The following ANK2 variants were observed in gnomAD, a reference collection of about 807,000 sequenced individuals.
The protein encoded by ANK2 is ankyrin-2.
Under a neutral mutation model 360.5 loss-of-function variants are expected in ANK2, and 83 were observed. That is an observed-to-expected ratio of 0.23 (90% CI 0.19 to 0.28). ANK2 has a LOEUF of 0.28. Ranked by LOEUF, ANK2 falls within the 10% of genes least tolerant of loss-of-function variation. The pLI is 1.00. For synonymous variants in ANK2, 1,740 were observed against 1,759.5 expected (o/e 0.99, Z 0.28); for missense variants, 4,201 against 4,795.7 (o/e 0.88, Z 3.66).
At chr4:112,716,659 G>A in the ANK2 span, among the ~76,000 whole-genome samples, 1 of 152,082 alleles carries the variant, frequency 6.6e-6, no homozygotes, top group Non-Finnish European at 1.5e-5. Flanking sequence ...TTGAACTCCT[G>A]GGCTCAAGTG....
At chr4:112,852,360 A>T (rs1165965674) in intron 1 of ANK2, among the ~76,000 whole-genome samples, 1 of 152,184 alleles carries the variant, frequency 6.6e-6, no homozygotes, top group African/African-American at 2.4e-5. Flanking sequence ...ATTGTACTTA[A>T]AAGTCAGTAT....
intron 1 of ANK2, among the ~76,000 whole-genome samples, chr4:113,136,275 T>C (rs2096404048): frequency 6.6e-6 from 1 of 152,118 alleles, no homozygotes; most frequent in African/African-American, 2.4e-5. Flanking sequence ...CCTAATCTTG[T>C]TGGCCAGGCA....
rs2154053294 is a variant in ANK2, at chr4:113,365,120, A to T, written c.10970A>T (p.Gln3657Leu). The T allele has an allele frequency of 6.2e-7, 1 of 1,614,026 alleles. No individual in the cohort carries two copies. The highest frequency in any genetic ancestry group is 8.5e-7 in the Non-Finnish European group (1 of 1,179,954). ...HLMETNTEPL[Q>L]ERISHSYAEI... ...ATGGAGACCAACACAGAACCTCTCCAGGAGCGCATCAGTCATAGTTATGCA... is the reference window on the plus strand; with the variant it reads ...ATGGAGACCAACACAGAACCTCTCCTGGAGCGCATCAGTCATAGTTATGCA... The change falls in exon 41 of 46, where the codon CAG (glutamine) becomes CTG (leucine). Residue 3657 changes from glutamine (Q) to leucine (L), a missense_variant. Physicochemically the swap from Gln to Leu is moderately radical, Grantham distance 113. This residue lies in a region of ANK2 where 2,642 missense variants were observed against 2,714.5 expected (regional missense o/e 0.97). Coordinates refer to ENST00000357077, the MANE Select transcript of ANK2 (RefSeq NM_001148.6).
intron 1 of ANK2, among the ~76,000 whole-genome samples, chr4:113,120,400 A>AAATGGTT (rs2095271547): frequency 6.6e-6 from 1 of 152,230 alleles, no homozygotes; most frequent in East Asian, 1.9e-4. Context: ...TGCCAACAAA[A>AAATGGTT]AATGGTTAAG....
chr4:113,328,281 A>T (rs2153905062), intron 26 of ANK2, among the ~76,000 whole-genome samples: 1 of 152,294 alleles, frequency 6.6e-6, no homozygotes, highest in Admixed American at 6.5e-5. Flanking sequence ...CAAAGGAAAT[A>T]TTAATCTTAA....
upstream of ANK2, among the ~76,000 whole-genome samples, chr4:112,815,899 G>A (rs900322038): frequency 6.6e-6 from 1 of 152,168 alleles, no homozygotes; most frequent in Non-Finnish European, 1.5e-5. Context: ...GTTCATTTGT[G>A]TACTTTATAA....
At chr4:113,191,478 T>C (rs2098662998) in intron 2 of ANK2, among the ~76,000 whole-genome samples, 1 of 152,232 alleles carries the variant, frequency 6.6e-6, no homozygotes, top group South Asian at 2.1e-4. Context: ...TAGGTTTTAT[T>C]GTAATTCAAA....
At chr4:113,242,014 C>T (rs901607042) in intron 8 of ANK2, 97 bp from the exon 9 acceptor site, 12 of 933,086 alleles carry the variant, frequency 1.3e-5, no homozygotes, top group South Asian at 2.7e-5. Flanking sequence ...CAAATTACCA[C>T]GTAGGTCACA....
intron 23 of ANK2, among the ~76,000 whole-genome samples, chr4:113,306,015 A>T (rs1261428821): frequency 2.0e-5 from 3 of 152,228 alleles, no homozygotes; most frequent in Non-Finnish European, 2.9e-5. Flanking sequence ...CTGTATACAC[A>T]TTAAAGTAAT....
chr4:113,238,065 A>T (rs2099397534), intron 7 of ANK2, among the ~76,000 whole-genome samples: 1 of 151,682 alleles, frequency 6.6e-6, no homozygotes, highest in South Asian at 2.1e-4. Flanking sequence ...CTTTTTCTTT[A>T]CCACATTTAT....
At chr4:112,813,838 A>T (rs143838021), upstream of ANK2, among the ~76,000 whole-genome samples, 148 of 152,274 alleles carry the variant, frequency 9.7e-4, no homozygotes, top group African/African-American at 3.2e-3. Flanking sequence ...ACCCAGCCAG[A>T]TTTCCCTTAA....
chr4:113,219,854 A>G (rs1354826736), intron 4 of ANK2, among the ~76,000 whole-genome samples: 3 of 152,198 alleles, frequency 2.0e-5, no homozygotes, highest in Non-Finnish European at 4.4e-5. Flanking sequence ...ATTTTGGTAT[A>G]TACCAGACTA....
At chr4:112,772,115 A>T in the ANK2 span, among the ~76,000 whole-genome samples, 1 of 152,072 alleles carries the variant, frequency 6.6e-6, no homozygotes, top group Non-Finnish European at 1.5e-5. Flanking sequence ...GTCCATTTTC[A>T]CGCTGCTGAT....
rs542359089 is a variant in ANK2 at position 113,185,852 on chromosome 4, T to G, written c.187-10516T>G. Among the ~76,000 whole-genome samples the G allele has an allele frequency of 3.3e-5, 5 of 152,306 alleles. No homozygotes were observed. The East Asian group carries it at 9.6e-4, about 29-fold the overall frequency. ...GTTCTTATGGTTTTAGGTCTTACAT[T>G]TAAATTTTTAATCCATCTTGAGTTG... is the stretch of plus-strand genomic sequence containing the variant. On this transcript the variant is annotated intron_variant, in intron 2 of 45. Transcript: ENST00000357077.
chr4:112,942,345 C>T (rs2094287895), intron 2 of ANK2, among the ~76,000 whole-genome samples: 1 of 152,102 alleles, frequency 6.6e-6, no homozygotes, highest in South Asian at 2.1e-4. Context: ...TGTTCCAAGT[C>T]AGTGCTCAAT....
chr4:112,992,549 A>G (rs2047169501), intron 2 of ANK2, among the ~76,000 whole-genome samples: 1 of 152,180 alleles, frequency 6.6e-6, no homozygotes, highest in Non-Finnish European at 1.5e-5. Flanking sequence ...ACAGAAATTT[A>G]TTTCCGACAG....
At chr4:113,320,838 G>T (rs2153861384) in intron 26 of ANK2, among the ~76,000 whole-genome samples, 4 of 152,182 alleles carry the variant, frequency 2.6e-5, no homozygotes, top group African/African-American at 9.6e-5. Flanking sequence ...GTTAATTAAG[G>T]TATACCTAGT....
At chr4:113,252,195 T>G (rs953024414) in intron 10 of ANK2, among the ~76,000 whole-genome samples, 17 of 152,178 alleles carry the variant, frequency 1.1e-4, no homozygotes, top group African/African-American at 3.6e-4. Context: ...TTTCCCCTTA[T>G]AAAACCATCA....
intron 30 of ANK2, 76 bp downstream of exon 30, chr4:113,336,133 G>A (rs1010929660): frequency 7.6e-6 from 11 of 1,455,790 alleles, no homozygotes; most frequent in Admixed American, 7.2e-5. Flanking sequence ...GTCAAGGACT[G>A]TTACCTTTGT....
Sources: gnomAD v4.1 joint callset for allele counts (sites outside exome capture counted in the v4.1 genomes callset) on GRCh38, gnomAD v4.1.1 for gene constraint, gnomAD v4.1.1 regional missense constraint, MANE v1.5 for transcripts, NCBI Gene and HGNC (gene_info 2026-07-23, HGNC 2026-07-21) for gene names.